The following GLDC variants were observed in gnomAD, a reference collection of about 807,000 sequenced individuals.
GLDC encodes the protein glycine decarboxylase.
Under a neutral mutation model 121.3 loss-of-function variants are expected in GLDC, and 104 were observed. The observed-to-expected ratio is 0.86, with a 90% CI of 0.73 to 1.01. The LOEUF (loss-of-function observed/expected upper bound fraction) is 1.01. Among genes scored for constraint, GLDC ranks in the 50% least tolerant of loss-of-function variants. GLDC has a pLI of 0.00. For synonymous variants in GLDC, 546 were observed against 480.6 expected, an observed-to-expected ratio of 1.14 and a Z score of -1.78; for missense variants, 1,429 against 1,306.6, an observed-to-expected ratio of 1.09 and a Z score of -1.44.
chr9:6,588,176 T>C (rs1478535678), intron 14 of GLDC, among the ~76,000 whole-genome samples: 7 of 152,190 alleles, frequency 4.6e-5, no homozygotes, highest in Admixed American at 4.6e-4. Flanking sequence ...ATACATTTAA[T>C]TAATTTTATT....
At chr9:6,565,551 G>T in intron 15 of GLDC, 122 bp from the exon 16 acceptor site, 2 of 771,252 alleles carry the variant, frequency 2.6e-6, no homozygotes, top group Non-Finnish European at 2.4e-6. Flanking sequence ...CTGTCCAGAC[G>T]CTGAGAGAAG....
intron 15 of GLDC, among the ~76,000 whole-genome samples, chr9:6,575,540 A>G (rs140283549): frequency 4.6e-5 from 7 of 152,342 alleles, no homozygotes; most frequent in Non-Finnish European, 1.0e-4. Flanking sequence ...CTCATGCACA[A>G]TTAATTCTGA....
chr9:6,545,553 A>G (rs1467322910), intron 21 of GLDC, among the ~76,000 whole-genome samples: 1 of 152,222 alleles, frequency 6.6e-6, no homozygotes, highest in Admixed American at 6.5e-5. Context: ...GTATACTACC[A>G]TAGACTTTGT....
rs1416204890 is a variant in GLDC at position 6,645,492 on chromosome 9, G to A, written c.8C>T (p.Ser3Phe). 2.3e-6 allele frequency: 3 copies of A among 1,323,722 alleles called. No homozygotes were observed. Among genetic ancestry groups the A allele is most frequent in the East Asian group, 3.5e-5 (1 of 28,906 alleles). The allele number at this position is 1,323,722 out of a possible 1,614,324, so 82.0% of individuals were successfully genotyped here. MQ[S>F]CARAWGLRLG... ...GCGCAGCCCCCACGCCCTGGCACAG[G>A]ACTGCATGGCCGCGGCCACCGTCCC... Residue 3 changes from serine to phenylalanine, a missense_variant, in exon 1 of 25, where the codon TCC becomes TTC. By Grantham distance (155) the Ser-to-Phe change is radical (BLOSUM62 -2). Coordinates refer to ENST00000321612, the MANE Select transcript of GLDC (RefSeq NM_000170.3).
intron 3 of GLDC, among the ~76,000 whole-genome samples, chr9:6,614,834 A>G (rs1818936674): frequency 6.6e-6 from 1 of 152,234 alleles, no homozygotes; most frequent in South Asian, 2.1e-4. Context: ...CTACACACCT[A>G]GGCTACGTGA....
chr9:6,597,927 CGTCT>C (rs1563853609), intron 8 of GLDC, among the ~76,000 whole-genome samples: 3 of 107,228 alleles, frequency 2.8e-5, no homozygotes, highest in Non-Finnish European at 5.0e-5. Context: ...GAGCGAGACT[CGTCT>C]CCAAAAAAAA....
chr9:6,546,369 T>C (rs1022099619), intron 21 of GLDC, among the ~76,000 whole-genome samples: 1 of 150,948 alleles, frequency 6.6e-6, no homozygotes, highest in African/African-American at 2.4e-5. Flanking sequence ...TTTTTTCTTT[T>C]TTTTTTTTTT....
intron 16 of GLDC, among the ~76,000 whole-genome samples, chr9:6,562,700 A>G (rs1186772390): frequency 6.6e-6 from 1 of 151,592 alleles, no homozygotes; most frequent in Non-Finnish European, 1.5e-5. Flanking sequence ...AGCTGGGATC[A>G]CAGGCGTGCA....
intron 3 of GLDC, among the ~76,000 whole-genome samples, chr9:6,619,507 C>T (rs1819038346): frequency 6.6e-6 from 1 of 152,008 alleles, no homozygotes; most frequent in Non-Finnish European, 1.5e-5. Context: ...GCGGGCGGAT[C>T]ACCTGAGGTC....
At chr9:6,620,075 G>A (rs1362204716) in intron 3 of GLDC, 109 bp downstream of exon 3, 1 of 1,028,296 alleles carries the variant, frequency 9.7e-7, no homozygotes, top group Admixed American at 1.7e-5. Context: ...GACAGCACTA[G>A]GAGGTGGGTG....
chr9:6,596,458 G>C (rs1281618383), intron 8 of GLDC, among the ~76,000 whole-genome samples: 1 of 152,004 alleles, frequency 6.6e-6, no homozygotes, highest in Non-Finnish European at 1.5e-5. Flanking sequence ...AAAATACAAA[G>C]GGCTTGAATC....
chr9:6,637,400 C>A (rs1206842520), intron 2 of GLDC, among the ~76,000 whole-genome samples: 5 of 125,372 alleles, frequency 4.0e-5, no homozygotes, highest in Admixed American at 8.0e-5. Flanking sequence ...AGCGAGACTT[C>A]TCTCAAAAAA....
chr9:6,542,885 C>CAAAAAAAA (rs5896153), intron 21 of GLDC, among the ~76,000 whole-genome samples: 20 of 61,396 alleles, frequency 3.3e-4, no homozygotes, highest in Middle Eastern at 0.011. Flanking sequence ...GACCTTTTCT[C>CAAAAAAAA]AAAAAAAAAA....
At chr9:6,553,996 A>G (rs998715187) in intron 19 of GLDC, among the ~76,000 whole-genome samples, 2 of 152,188 alleles carry the variant, frequency 1.3e-5, no homozygotes, top group Admixed American at 1.3e-4. Context: ...CCAAGAAAAA[A>G]AAAACAAGAA....
intron 19 of GLDC, among the ~76,000 whole-genome samples, chr9:6,553,916 C>G (rs1479133990): frequency 6.6e-6 from 1 of 152,054 alleles, no homozygotes; most frequent in Non-Finnish European, 1.5e-5. Context: ...TCCCTGACAG[C>G]TGAAGCACTG....
Position 6,540,517 on chromosome 9 carries a change from C to T in GLDC, c.2570-371G>A, listed in dbSNP as rs114470172. 1.1e-5 allele frequency: 3 copies of T among 260,992 alleles called. No homozygotes were observed. The East Asian group carries it at 2.8e-4, about 24-fold the overall frequency. The allele number at this position is 260,992 out of a possible 1,614,324, so 16.2% of individuals were successfully genotyped here. On this transcript the variant is annotated intron_variant, in intron 21 of 24. Coordinates refer to ENST00000321612, the MANE Select transcript of GLDC (RefSeq NM_000170.3). ...GCAACAGTTAAATGTGTTGTATAGT[C>T]CTGATCCTTTTATACAAAATATTTC...
rs185700134 is a variant in GLDC, at chr9:6,584,697, C to T, written c.1850+2444G>A. Among the ~76,000 whole-genome samples the T allele has an allele frequency of 2.6e-3, 400 of 152,356 alleles. 4 individuals are homozygous for T. The highest frequency in any genetic ancestry group is 8.6e-3 in the African/African-American group (356 of 41,576). On this transcript the variant is annotated intron_variant, in intron 15 of 24. Coordinates refer to ENST00000321612, the MANE Select transcript of GLDC (RefSeq NM_000170.3). ...TTCTCATCTGTCACAGCAGCTTCTG[C>T]TCATGACCAGAAACATCCTTCATTC...
At chr9:6,591,567 G>T (rs971580621) in intron 11 of GLDC, among the ~76,000 whole-genome samples, 2 of 152,070 alleles carry the variant, frequency 1.3e-5, no homozygotes, top group African/African-American at 2.4e-5. Flanking sequence ...TTGCATCTTT[G>T]TAGTAGAGGC....
At chr9:6,619,367 C>G (rs1262047037) in intron 3 of GLDC, among the ~76,000 whole-genome samples, 1 of 150,382 alleles carries the variant, frequency 6.6e-6, no homozygotes, top group Non-Finnish European at 1.5e-5. Context: ...TTTTGTCAGT[C>G]AGTTGTGAAT....
Sources: gnomAD v4.1 joint callset for allele counts (sites outside exome capture counted in the v4.1 genomes callset) on GRCh38, gnomAD v4.1.1 for gene constraint, MANE v1.5 for transcripts, NCBI Gene and HGNC (gene_info 2026-07-23, HGNC 2026-07-21) for gene names.